The following PPP2R2B variants were observed in gnomAD, a reference collection of about 807,000 sequenced individuals.
The protein encoded by PPP2R2B is serine/threonine-protein phosphatase 2A 55 kDa regulatory subunit B beta isoform.
A neutral mutation model predicts 46.0 loss-of-function variants in PPP2R2B; 5 were observed. The ratio of observed to expected loss-of-function variants is 0.11; its 90% CI spans 0.06 to 0.23. PPP2R2B has a LOEUF of 0.23. PPP2R2B is among the 10% of genes least tolerant of loss of function. The probability of loss-of-function intolerance (pLI) is 1.00; values close to 1 mark genes in which losing one functional copy is unlikely to be tolerated. For synonymous variants in PPP2R2B, 215 were observed against 206.7 expected, an observed-to-expected ratio of 1.04 and a Z score of -0.34; for missense variants, 367 against 575.0, an observed-to-expected ratio of 0.64 and a Z score of 3.70.
rs200126115 is a variant in PPP2R2B at position 147,007,782 on chromosome 5, C to T, written c.79+47883G>A. Among the ~76,000 whole-genome samples, 64 of 152,182 alleles carry T rather than the reference C, an allele frequency of 4.2e-4. 1 individual carries two copies. Among genetic ancestry groups the T allele is most frequent in the East Asian group, 3.1e-3 (16 of 5,166 alleles). ...CTGTAACACTGACTGCGAGGGTCTG[C>T]GGCTTCACTCCTGAAGTCAGCAAGA... On this transcript the variant is annotated intron_variant, in intron 1 of 8. Transcript: ENST00000336640.
intron 2 of PPP2R2B, among the ~76,000 whole-genome samples, chr5:146,791,919 C>A (rs1026627926): frequency 1.3e-5 from 2 of 152,118 alleles, no homozygotes; most frequent in Admixed American, 1.3e-4. Context: ...GAGTGAGGCC[C>A]TAATTGGCCT....
intron 2 of PPP2R2B, chr5:146,751,407 C>G (rs1753550089): frequency 6.6e-6 from 1 of 152,132 alleles, no homozygotes; most frequent in Non-Finnish European, 1.5e-5. Flanking sequence ...AAATCAGAGC[C>G]CCTTCTAATT....
intron 1 of PPP2R2B, chr5:147,054,515 A>G (rs1384202951): frequency 7.0e-6 from 3 of 426,554 alleles, no homozygotes; most frequent in Non-Finnish European, 1.4e-5. Context: ...ATCAATGTCT[A>G]TGAAAAATAC....
intron 2 of PPP2R2B, among the ~76,000 whole-genome samples, chr5:147,069,761 T>TCCC (rs1428884638): frequency 2.8e-5 from 4 of 145,274 alleles, no homozygotes; most frequent in African/African-American, 1.0e-4. Flanking sequence ...ATTTAGCCAC[T>TCCC]CCCACATGAA....
At chr5:147,048,954 G>A (rs867017533) in intron 1 of PPP2R2B, among the ~76,000 whole-genome samples, 2 of 152,056 alleles carry the variant, frequency 1.3e-5, no homozygotes, top group Admixed American at 6.6e-5. Context: ...AGTGGGAAAG[G>A]ACAGGCAAAA....
At chr5:146,843,822 T>G (rs1393524320) in intron 2 of PPP2R2B, among the ~76,000 whole-genome samples, 1 of 152,076 alleles carries the variant, frequency 6.6e-6, no homozygotes, top group Non-Finnish European at 1.5e-5. Context: ...GGTGTATATG[T>G]GCCACATTTT....
rs577645743 is a variant in PPP2R2B, at chr5:146,749,347, T to A, written c.71-48205A>T. On this transcript the variant is annotated intron_variant, in intron 2 of 9. Coordinates refer to ENST00000394411, the MANE Select transcript of PPP2R2B (RefSeq NM_181675.4). ...TTTTCTTCCGGCCTGTAGTTTGTCA[T>A]TTAATCCTCTAAACAGAATCTTTGG... 9.8e-5 allele frequency among the ~76,000 whole-genome samples: 15 copies of A among 152,336 alleles called. No homozygotes were observed. In the South Asian group the frequency reaches 2.9e-3, roughly 29 times the overall value.
At chr5:146,990,901 T>C (rs1270763728) in intron 1 of PPP2R2B, among the ~76,000 whole-genome samples, 3 of 151,868 alleles carry the variant, frequency 2.0e-5, no homozygotes, top group East Asian at 1.9e-4. Flanking sequence ...GGATTAAAAA[T>C]AGGCAAAAAA....
chr5:146,598,348 T>C (rs1367888614), intron 8 of PPP2R2B, among the ~76,000 whole-genome samples: 1 of 152,212 alleles, frequency 6.6e-6, no homozygotes, highest in Non-Finnish European at 1.5e-5. Flanking sequence ...TTTCCCCAAA[T>C]CTCTCTTGCC....
intron 1 of PPP2R2B, among the ~76,000 whole-genome samples, chr5:146,926,199 A>C (rs1763777288): frequency 6.6e-6 from 1 of 151,202 alleles, no homozygotes; most frequent in Non-Finnish European, 1.5e-5. Context: ...TTTCTTAAAA[A>C]TGGGACATTT....
intron 1 of PPP2R2B, among the ~76,000 whole-genome samples, chr5:146,964,181 C>A (rs928438615): frequency 1.3e-5 from 2 of 152,140 alleles, no homozygotes; most frequent in African/African-American, 4.8e-5. Context: ...CGGCTAAATA[C>A]GTCAGAAAAC....
chr5:146,705,798 G>A (rs889243605), intron 2 of PPP2R2B, among the ~76,000 whole-genome samples: 1 of 151,920 alleles, frequency 6.6e-6, no homozygotes, highest in Admixed American at 6.6e-5. Flanking sequence ...ACTCCTACTG[G>A]GATTATGCCA....
rs1203679463 is a variant in PPP2R2B, at chr5:146,614,717, A to G, written c.791-14257T>C. Among the ~76,000 whole-genome samples, 6 of 22,896 alleles carry G rather than the reference A, an allele frequency of 2.6e-4. 2 individuals are homozygous for G. The Middle Eastern group carries it at 0.06, about 229-fold the overall frequency. The allele number at this position is 22,896 out of a possible 152,430, so 15.0% of individuals were successfully genotyped here. ...GACATGAACAGACACTTCTCAAAAG[A>G]AGACATTTATGCAGCCAAAAAACAC... On this transcript the variant is annotated intron_variant, in intron 7 of 9. Transcript: ENST00000394411.
intron 6 of PPP2R2B, among the ~76,000 whole-genome samples, chr5:146,644,449 C>T (rs1775445718): frequency 6.6e-6 from 1 of 151,938 alleles, no homozygotes; most frequent in African/African-American, 2.4e-5. Context: ...TTTATTTTCC[C>T]CAAATCTCTA....
At chr5:146,814,078 A>C (rs984607733) in intron 2 of PPP2R2B, among the ~76,000 whole-genome samples, 1 of 152,172 alleles carries the variant, frequency 6.6e-6, no homozygotes, top group Non-Finnish European at 1.5e-5. Context: ...CAGGGACTGA[A>C]AACTGTGCAT....
chr5:146,710,912 AAGTC>A (rs1780179125), intron 2 of PPP2R2B, among the ~76,000 whole-genome samples: 2 of 152,212 alleles, frequency 1.3e-5, no homozygotes, highest in Admixed American at 6.5e-5. Context: ...AGATGTTCTG[AAGTC>A]AGTAAGACAT....
intron 2 of PPP2R2B, among the ~76,000 whole-genome samples, chr5:146,811,295 G>C (rs1386041281): frequency 2.0e-5 from 3 of 152,132 alleles, no homozygotes; most frequent in Admixed American, 6.5e-5. Flanking sequence ...ACGGCGTCCA[G>C]CCATATGGCT....
At chr5:146,602,886 T>C (rs1255847593) in intron 7 of PPP2R2B, among the ~76,000 whole-genome samples, 6 of 152,226 alleles carry the variant, frequency 3.9e-5, no homozygotes, top group Admixed American at 3.3e-4. Context: ...GGTATCTTCA[T>C]AGTTGAGAAC....
chr5:146,617,312 G>A (rs1361810702), intron 7 of PPP2R2B, among the ~76,000 whole-genome samples: 1 of 152,148 alleles, frequency 6.6e-6, no homozygotes, highest in Non-Finnish European at 1.5e-5. Flanking sequence ...ACAACAGGGT[G>A]ATTATAGTCA....
Sources: gnomAD v4.1 joint callset for allele counts (sites outside exome capture counted in the v4.1 genomes callset) on GRCh38, gnomAD v4.1.1 for gene constraint, MANE v1.5 for transcripts, NCBI Gene and HGNC (gene_info 2026-07-23, HGNC 2026-07-21) for gene names.